The following ZNF362 variants were observed in gnomAD, a reference collection of about 807,000 sequenced individuals.
The protein encoded by ZNF362 is rotund homolog.
In ZNF362, 11 loss-of-function variants were observed where a neutral mutation model predicts 42.9. That is an observed-to-expected ratio of 0.26 (90% CI 0.16 to 0.42). The LOEUF (loss-of-function observed/expected upper bound fraction) is 0.42. ZNF362 is among the 20% of genes least tolerant of loss of function. ZNF362 has a pLI of 1.00. For synonymous variants in ZNF362, 255 were observed against 257.3 expected, an observed-to-expected ratio of 0.99 and a Z score of 0.09; for missense variants, 362 against 576.2, an observed-to-expected ratio of 0.63 and a Z score of 3.81.
intron 1 of ZNF362, among the ~76,000 whole-genome samples, chr1:33,265,417 C>T (rs781149514): frequency 1.3e-5 from 2 of 152,012 alleles, no homozygotes; most frequent in African/African-American, 2.4e-5. Flanking sequence ...ATTAGCCCTG[C>T]CATCACAATG....
At chr1:33,177,927 C>T in the ZNF362 span, among the ~76,000 whole-genome samples, 14 of 152,278 alleles carry the variant, frequency 9.2e-5, no homozygotes, top group East Asian at 2.1e-3. The surrounding 1 kb of genome is among the most constrained non-coding windows in gnomAD (Gnocchi z 4.1). Flanking sequence ...ACCCAAGGCT[C>T]AGAGATGGTA....
At chr1:33,268,113 G>C (rs1382292221) in intron 1 of ZNF362, among the ~76,000 whole-genome samples, 1 of 152,194 alleles carries the variant, frequency 6.6e-6, no homozygotes, top group Non-Finnish European at 1.5e-5. Context: ...GTGTTTATTA[G>C]CTGTTAACAT....
At chr1:33,278,285 T>C (rs1319652373) in intron 4 of ZNF362, among the ~76,000 whole-genome samples, 1 of 152,182 alleles carries the variant, frequency 6.6e-6, no homozygotes, top group Non-Finnish European at 1.5e-5. Flanking sequence ...GAGCTTGTGG[T>C]AGGGCTGTAC....
the ZNF362 span, chr1:33,181,525 G>T: frequency 6.9e-7 from 1 of 1,453,598 alleles, no homozygotes; most frequent in Admixed American, 2.7e-5. This position sits in a 1 kb window ranked among gnomAD's most constrained non-coding sequence, Gnocchi z 6.5. Flanking sequence ...GGCTGGGCGC[G>T]GGGACGAGGC....
chr1:33,194,315 T>C, the ZNF362 span, among the ~76,000 whole-genome samples: 2 of 152,030 alleles, frequency 1.3e-5, no homozygotes, highest in South Asian at 4.2e-4. Context: ...GCTGGTGGAT[T>C]GCTTAAGCCC....
chr1:33,247,354 G>A, the ZNF362 span, among the ~76,000 whole-genome samples: 4 of 152,234 alleles, frequency 2.6e-5, no homozygotes, highest in African/African-American at 7.2e-5. Flanking sequence ...ACCACACAGC[G>A]TGTGAATGGT....
chr1:33,146,902 G>T, the ZNF362 span: 1 of 479,014 alleles, frequency 2.1e-6, no homozygotes. Context: ...GGGGATGAGG[G>T]TTGGGCAGGG....
the ZNF362 span, among the ~76,000 whole-genome samples, chr1:33,174,945 G>GTATA: frequency 1.2e-3 from 167 of 141,744 alleles, no homozygotes; most frequent in African/African-American, 4.0e-3. Context: ...ATATATGTGT[G>GTATA]TATATATATA....
the ZNF362 span, chr1:33,165,779 A>C: frequency 7.3e-6 from 3 of 410,946 alleles, no homozygotes; most frequent in African/African-American, 6.2e-5. This position sits in a 1 kb window ranked among gnomAD's most constrained non-coding sequence, Gnocchi z 4.0. Flanking sequence ...GCATCTTTGC[A>C]ACAACCTCCT....
the ZNF362 span, among the ~76,000 whole-genome samples, chr1:33,187,904 A>G: frequency 6.6e-6 from 1 of 152,202 alleles, no homozygotes; most frequent in African/African-American, 2.4e-5. Flanking sequence ...TTGGGGATGT[A>G]GCACCCTTAC....
chr1:33,155,367 G>A, the ZNF362 span, among the ~76,000 whole-genome samples: 2 of 151,992 alleles, frequency 1.3e-5, no homozygotes, highest in Non-Finnish European at 1.5e-5. Context: ...CACCATGCCC[G>A]GCCTCCCCTG....
chr1:33,142,095 G>A, the ZNF362 span: 1 of 152,244 alleles, frequency 6.6e-6, no homozygotes, highest in South Asian at 2.1e-4. Flanking sequence ...CAACACCTTT[G>A]TTAGTACTCC....
intron 1 of ZNF362, among the ~76,000 whole-genome samples, chr1:33,259,480 ATCTC>A (rs1186626137): frequency 6.6e-6 from 1 of 152,344 alleles, no homozygotes; most frequent in Non-Finnish European, 1.5e-5. Flanking sequence ...TTCCTGTCTT[ATCTC>A]TCTGTAAAAT....
intron 4 of ZNF362, among the ~76,000 whole-genome samples, 171 bp downstream of exon 4, chr1:33,276,765 C>G (rs1307632769): frequency 1.3e-5 from 2 of 152,226 alleles, no homozygotes; most frequent in African/African-American, 4.8e-5. Context: ...CGAGCCACAG[C>G]ACCGGACTTC....
chr1:33,274,903 A>G (rs1645932399), intron 2 of ZNF362: 2 of 961,850 alleles, frequency 2.1e-6, no homozygotes, highest in Non-Finnish European at 2.5e-6. Flanking sequence ...AGATCACAAG[A>G]GATAATTCAT....
At chr1:33,131,797 A>T in the ZNF362 span, among the ~76,000 whole-genome samples, 1 of 152,192 alleles carries the variant, frequency 6.6e-6, no homozygotes, top group Non-Finnish European at 1.5e-5. Flanking sequence ...CATTATATTT[A>T]TGTTGGACCT....
chr1:33,135,287 A>AAAAC, the ZNF362 span, among the ~76,000 whole-genome samples: 233 of 152,180 alleles, frequency 1.5e-3, no homozygotes, highest in Non-Finnish European at 2.4e-3. Flanking sequence ...GACTCTCTCA[A>AAAAC]AAACAAACAA....
chr1:33,265,837 G>T (rs1645861548), intron 1 of ZNF362, among the ~76,000 whole-genome samples: 1 of 152,134 alleles, frequency 6.6e-6, no homozygotes, highest in African/African-American at 2.4e-5. Flanking sequence ...GAGCACCTTA[G>T]CCTGCAACTC....
the ZNF362 span, among the ~76,000 whole-genome samples, chr1:33,151,657 G>A: frequency 0.19 from 28,371 of 152,112 alleles, 3,139 homozygotes; most frequent in South Asian, 0.3. Context: ...TCTAAGTCCC[G>A]GGACACCAAG....
Sources: allele counts gnomAD v4.1 joint callset (sites outside exome capture counted in the v4.1 genomes callset), GRCh38; gene constraint gnomAD v4.1.1; non-coding constraint Gnocchi (gnomAD v3.1); transcripts MANE v1.5; gene names NCBI Gene and HGNC (gene_info 2026-07-23, HGNC 2026-07-21).